The following STAG1 variants were observed in gnomAD, a reference collection of about 807,000 sequenced individuals.
STAG1 encodes the protein cohesin subunit SA-1.
A neutral mutation model predicts 170.9 loss-of-function variants in STAG1; 26 were observed. The observed-to-expected ratio is 0.15, with a 90% CI of 0.11 to 0.21. The LOEUF (loss-of-function observed/expected upper bound fraction) is 0.21, where lower values mean the gene tolerates loss of function less well. Among genes scored for constraint, STAG1 ranks in the 10% least tolerant of loss-of-function variants. The pLI, the probability that STAG1 is intolerant of heterozygous loss-of-function variation, is 1.00. For synonymous variants in STAG1, 514 were observed against 497.7 expected (o/e 1.03, Z -0.44); for missense variants, 964 against 1,509.5 (o/e 0.64, Z 5.99).
intron 1 of STAG1, among the ~76,000 whole-genome samples, chr3:136,636,081 C>T (rs1940542372): frequency 6.6e-6 from 1 of 152,042 alleles, no homozygotes; most frequent in South Asian, 2.1e-4. Context: ...AACCCCATCT[C>T]TACTAAAAAT....
At chr3:136,347,890 G>C (rs544693808) in intron 29 of STAG1, among the ~76,000 whole-genome samples, 1 of 152,172 alleles carries the variant, frequency 6.6e-6, no homozygotes, top group Non-Finnish European at 1.5e-5. Flanking sequence ...ACTTAGAGAG[G>C]TTAAGTAATA....
In STAG1 at chr3:136,433,567, T is replaced by C; in HGVS notation, c.1639A>G (p.Thr547Ala). Residue 547 changes from threonine to alanine, a missense_variant, in exon 16 of 34, where the codon ACC becomes GCC. Physicochemically the swap from Thr to Ala is moderately conservative, Grantham distance 58. Transcript: ENST00000383202. ...AEAHPPVGRG[T>A]GKRVLTAKER... ...CTAATGTAACTTACTCTCTTGCCGG[T>C]ACCCCTTCCCACTGGAGGATGTGCC... The C allele has an allele frequency of 1.2e-6, 2 of 1,601,282 alleles. No individual in the cohort carries two copies. The highest frequency in any genetic ancestry group is 8.5e-7 in the Non-Finnish European group (1 of 1,175,218).
chr3:136,400,350 C>A (rs1209370001), intron 21 of STAG1, among the ~76,000 whole-genome samples: 2 of 151,976 alleles, frequency 1.3e-5, no homozygotes, highest in Non-Finnish European at 2.9e-5. Flanking sequence ...ACCTCAGCCT[C>A]CTGAGTAGCT....
chr3:136,362,605 C>CAAAAAAAAAAA (rs1237413699), intron 26 of STAG1, among the ~76,000 whole-genome samples: 20 of 42,034 alleles, frequency 4.8e-4, no homozygotes, highest in African/African-American at 6.2e-4. Flanking sequence ...ATCATCTCTG[C>CAAAAAAAAAAA]AAAAAAAAAA....
At chr3:136,375,565 G>GA (rs1395557820) in intron 23 of STAG1, among the ~76,000 whole-genome samples, 3 of 151,994 alleles carry the variant, frequency 2.0e-5, no homozygotes, top group Non-Finnish European at 4.4e-5. Context: ...AGAGCCATTT[G>GA]AAAAAAAGGC....
chr3:136,559,165 A>ATCTATC (rs1334878528), intron 5 of STAG1, among the ~76,000 whole-genome samples: 57 of 108,528 alleles, frequency 5.3e-4, no homozygotes, highest in East Asian at 1.7e-3. Context: ...ATCTATCTAT[A>ATCTATC]TACGTACACA....
At position 136,338,212 on chromosome 3, in the gene STAG1, T is replaced by C; in HGVS notation, c.*42A>G. On this transcript the variant is annotated 3_prime_UTR_variant, in exon 34 of 34. Coordinates refer to ENST00000383202, the MANE Select transcript of STAG1 (RefSeq NM_005862.3). ...CTATCACAGTATATAGGCCTCTAGCTCTAAATAATAGAGTTCCAGATTTGT... is the reference window on the plus strand; with the variant it reads ...CTATCACAGTATATAGGCCTCTAGCCCTAAATAATAGAGTTCCAGATTTGT... 6.2e-6 allele frequency: 9 copies of C among 1,449,074 alleles called. No homozygotes were observed. The highest frequency in any genetic ancestry group is 8.7e-6 in the Non-Finnish European group (9 of 1,034,120). 89.8% of individuals were successfully genotyped at this position (1,449,074 alleles called of 1,614,324 possible). A position where few individuals can be genotyped will look rare whatever the true frequency, so the allele number is the denominator to read the frequency against.
At chr3:136,683,985 G>C (rs1942428783) in intron 1 of STAG1, among the ~76,000 whole-genome samples, 1 of 152,082 alleles carries the variant, frequency 6.6e-6, no homozygotes. Context: ...ACATGTACAA[G>C]ATATATATGA....
At position 136,736,913 on chromosome 3, in the gene STAG1, G is replaced by C. The variant is rs1012026028; in HGVS notation, c.-84+15282C>G. On this transcript the variant is annotated intron_variant, in intron 1 of 33. Transcript: ENST00000383202. ...TCCAGGGTCCTCTTCTTTTGCTCCT[G>C]ATCTAGTAGCAACTTGTAAGCTTTG... is the stretch of plus-strand genomic sequence containing the variant. 3 of 1,585,860 alleles carry C rather than the reference G, an allele frequency of 1.9e-6. No homozygotes were observed. In the African/African-American group the frequency reaches 4.0e-5, roughly 21 times the overall value.
chr3:136,426,677 G>A (rs889636386), intron 16 of STAG1, among the ~76,000 whole-genome samples: 1 of 152,094 alleles, frequency 6.6e-6, no homozygotes, highest in Admixed American at 6.5e-5. Flanking sequence ...GGTGGCTCAC[G>A]CCTGTAATCC....
intron 3 of STAG1, among the ~76,000 whole-genome samples, chr3:136,622,755 C>T (rs1939922465): frequency 6.6e-6 from 1 of 152,154 alleles, no homozygotes; most frequent in African/African-American, 2.4e-5. Context: ...CTCTTCTAAA[C>T]TTCCCAATCA....
intron 7 of STAG1, among the ~76,000 whole-genome samples, chr3:136,509,448 A>T (rs1933940746): frequency 6.6e-6 from 1 of 151,834 alleles, no homozygotes; most frequent in South Asian, 2.1e-4. Flanking sequence ...TTCTCCAGCC[A>T]CTTTCAGCTC....
chr3:136,377,068 C>A (rs567683079), intron 23 of STAG1, among the ~76,000 whole-genome samples: 2 of 149,940 alleles, frequency 1.3e-5, no homozygotes, highest in South Asian at 2.1e-4. Context: ...TGAGCCACTG[C>A]GCCCGGCCAT....
chr3:136,660,864 G>A (rs546543798), intron 1 of STAG1, among the ~76,000 whole-genome samples: 3 of 152,126 alleles, frequency 2.0e-5, no homozygotes, highest in Non-Finnish European at 4.4e-5. Flanking sequence ...AGCTACTCAG[G>A]AGGCTGAAGT....
intron 4 of STAG1, among the ~76,000 whole-genome samples, chr3:136,590,864 C>G (rs28657043): frequency 0.074 from 11,232 of 152,190 alleles, 554 homozygotes; most frequent in South Asian, 0.12. Context: ...TGACAGTTCA[C>G]TGATGGACGT....
At chr3:136,607,121 G>T (rs1187001204) in intron 3 of STAG1, among the ~76,000 whole-genome samples, 1 of 151,916 alleles carries the variant, frequency 6.6e-6, no homozygotes, top group Non-Finnish European at 1.5e-5. Context: ...TGTTGATATT[G>T]ACCTAAATCA....
At chr3:136,670,473 T>G (rs959023768) in intron 1 of STAG1, among the ~76,000 whole-genome samples, 1 of 152,150 alleles carries the variant, frequency 6.6e-6, no homozygotes, top group Non-Finnish European at 1.5e-5. Flanking sequence ...TTTTATACCT[T>G]TTTTGGGGGG....
At chr3:136,653,586 G>A (rs113061895) in intron 1 of STAG1, among the ~76,000 whole-genome samples, 177 of 152,228 alleles carry the variant, frequency 1.2e-3, no homozygotes, top group African/African-American at 2.5e-3. Context: ...CCAAAAGGGT[G>A]GGAACTACTC....
intron 4 of STAG1, among the ~76,000 whole-genome samples, chr3:136,601,837 A>C (rs1373019144): frequency 6.8e-6 from 1 of 146,336 alleles, no homozygotes; most frequent in Non-Finnish European, 1.5e-5. Flanking sequence ...CTCATTCTCC[A>C]AAAAAAAAAA....
Sources: allele counts gnomAD v4.1 joint callset (sites outside exome capture counted in the v4.1 genomes callset), GRCh38; gene constraint gnomAD v4.1.1; transcripts MANE v1.5; gene names NCBI Gene and HGNC (gene_info 2026-07-23, HGNC 2026-07-21).